SRRM4: variants seen among roughly 807,000 people sequenced by gnomAD.
SRRM4 encodes the protein serine/arginine repetitive matrix 4.
Under a neutral mutation model 68.9 loss-of-function variants are expected in SRRM4, and 33 were observed. The observed-to-expected ratio is 0.48, with a 90% confidence interval of 0.36 to 0.64. The LOEUF is 0.64. Ranked by LOEUF, SRRM4 falls within the 30% of genes least tolerant of loss-of-function variation. The pLI is 0.00. For synonymous variants in SRRM4, 318 were observed against 318.8 expected (o/e 1.00, Z 0.03); for missense variants, 817 against 827.1 (o/e 0.99, Z 0.15).
At chr12:119,058,878 T>C (rs540334713) in intron 1 of SRRM4, among the ~76,000 whole-genome samples, 4 of 152,334 alleles carry the variant, frequency 2.6e-5, no homozygotes, top group Non-Finnish European at 5.9e-5. Context: ...ATATTTGGTG[T>C]CTTCCACCCC....
At chr12:119,000,502 C>T (rs1041631883) in intron 1 of SRRM4, among the ~76,000 whole-genome samples, 7 of 152,174 alleles carry the variant, frequency 4.6e-5, no homozygotes, top group Non-Finnish European at 8.8e-5. Context: ...GTGACTGGCC[C>T]TGTACTAAAG....
At chr12:118,988,553 G>A (rs1192056728) in intron 1 of SRRM4, among the ~76,000 whole-genome samples, 1 of 152,172 alleles carries the variant, frequency 6.6e-6, no homozygotes, top group African/African-American at 2.4e-5. Context: ...GTGATGGGGG[G>A]ATTATAGCGA....
At chr12:119,032,132 G>T (rs1043479881) in intron 1 of SRRM4, among the ~76,000 whole-genome samples, 1 of 152,128 alleles carries the variant, frequency 6.6e-6, no homozygotes, top group East Asian at 1.9e-4. Flanking sequence ...CCTGAGCAAT[G>T]AGTGATGGTA....
chr12:119,153,571 A>C lies in SRRM4; in HGVS notation c.1313A>C (p.Lys438Thr), dbSNP rs202114208. The change falls in exon 11 of 13, where the codon AAG (lysine) becomes ACG (threonine). Residue 438 changes from lysine (K) to threonine (T), a missense_variant. Transcript: ENST00000267260. ...SYSRSPSYSSKSGKRSPPSRS... is the reference protein window; with the variant it reads ...SYSRSPSYSSTSGKRSPPSRS... ...TCCCGCTCTCCCAGCTATTCCTCCA[A>C]GTCTGGCAAGAGGAGCCCGCCCAGC... 4.6e-5 allele frequency: 73 copies of C among 1,576,594 alleles called. No individual in the cohort carries two copies. The East Asian group carries it at 1.3e-3, about 28-fold the overall frequency.
chr12:119,101,010 C>T (rs73213720), intron 1 of SRRM4, among the ~76,000 whole-genome samples: 5,781 of 152,248 alleles, frequency 0.038, 125 homozygotes, highest in African/African-American at 0.051. Context: ...ATGTGTTTTG[C>T]TGCCCTTCCT....
At chr12:119,010,074 A>G (rs1189190015) in intron 1 of SRRM4, among the ~76,000 whole-genome samples, 1 of 152,106 alleles carries the variant, frequency 6.6e-6, no homozygotes, top group African/African-American at 2.4e-5. Flanking sequence ...CTTTCCTGAG[A>G]CCGAGTCTCT....
chr12:119,145,462 T>G lies in SRRM4; in HGVS notation c.853T>G (p.Tyr285Asp), dbSNP rs1185680594. ...CACCTCGCGAGGACGTTCCCAGGAG[T>G]ACGACTCAGGAAATGACACGTCCTC... ...LTTSRGRSQEYDSGNDTSSPP... is the reference protein window; with the variant it reads ...LTTSRGRSQEDDSGNDTSSPP... The change falls in exon 9 of 13, where the codon TAC (tyrosine) becomes GAC (aspartate). Residue 285 changes from tyrosine (Y) to aspartate (D), a missense_variant. Transcript: ENST00000267260. The G allele has an allele frequency of 4.4e-6, 7 of 1,607,584 alleles. No homozygotes were observed. In the African/African-American group the frequency reaches 6.7e-5, roughly 15 times the overall value.
chr12:119,109,231 C>A (rs1334882626), intron 2 of SRRM4, among the ~76,000 whole-genome samples: 1 of 150,994 alleles, frequency 6.6e-6, no homozygotes, highest in Non-Finnish European at 1.5e-5. Flanking sequence ...GTAACCCGAC[C>A]TTTCTCTCTG....
intron 1 of SRRM4, among the ~76,000 whole-genome samples, chr12:119,030,303 CAAAGAAG>C (rs1565893008): frequency 4.6e-5 from 7 of 152,124 alleles, no homozygotes; most frequent in Non-Finnish European, 1.0e-4. Flanking sequence ...TTCCGTAAGG[CAAAGAAG>C]TAATCCGGTA....
chr12:119,121,150 T>C (rs1954216805), intron 5 of SRRM4, among the ~76,000 whole-genome samples: 1 of 152,112 alleles, frequency 6.6e-6, no homozygotes, highest in Admixed American at 6.5e-5. Flanking sequence ...TTGGGTCCAG[T>C]TGAATTTGGA....
At chr12:119,056,144 C>T (rs1300867102) in intron 1 of SRRM4, among the ~76,000 whole-genome samples, 2 of 152,212 alleles carry the variant, frequency 1.3e-5, no homozygotes, top group Non-Finnish European at 1.5e-5. Flanking sequence ...CCAGAATAGC[C>T]ATGTACATCC....
At chr12:119,036,986 CA>C (rs1167518183) in intron 1 of SRRM4, 5 of 152,284 alleles carry the variant, frequency 3.3e-5, no homozygotes, top group Admixed American at 2.6e-4. Flanking sequence ...AGAGGACACA[CA>C]AAGAAATTTC....
Position 119,158,965 on chromosome 12 carries a change from TTTTG to T in SRRM4, c.*2169_*2172del, listed in dbSNP as rs1490369089. 4 of 132,682 alleles carry T rather than the reference TTTTG, an allele frequency of 3.0e-5. No homozygotes were observed. The highest frequency in any genetic ancestry group is 6.4e-5 in the Non-Finnish European group (4 of 62,532). The allele number at this position is 132,682 out of a possible 1,614,324, so 8.2% of individuals were successfully genotyped here. A position where few individuals can be genotyped will look rare whatever the true frequency, so the allele number is the denominator to read the frequency against. On this transcript the variant is annotated 3_prime_UTR_variant, in exon 13 of 13. Coordinates refer to ENST00000267260, the MANE Select transcript of SRRM4 (RefSeq NM_194286.4). ...ATTGAATTATTTATTTATACAGAGG[TTTTG>T]TGTGTGTGTGTGTGTGTGTGTGTGT...
At chr12:119,010,287 A>G (rs954455603) in intron 1 of SRRM4, among the ~76,000 whole-genome samples, 3 of 152,192 alleles carry the variant, frequency 2.0e-5, no homozygotes, top group Non-Finnish European at 4.4e-5. Flanking sequence ...TCCTGGCCTC[A>G]AGTAATCCGC....
chr12:119,037,107 T>C (rs114523638), intron 1 of SRRM4: 24 of 152,070 alleles, frequency 1.6e-4, no homozygotes, highest in Middle Eastern at 6.8e-3. Flanking sequence ...AATAAATAGC[T>C]CCACCATTTT....
At position 119,020,482 on chromosome 12, in the gene SRRM4, C is replaced by G. The variant is rs567429187; in HGVS notation, c.131+38469C>G. 7.2e-5 allele frequency among the ~76,000 whole-genome samples: 11 copies of G among 152,230 alleles called. No individual in the cohort carries two copies. In the East Asian group the frequency reaches 2.1e-3, roughly 29 times the overall value. On this transcript the variant is annotated intron_variant, in intron 1 of 12. Transcript: ENST00000267260. ...CCAAGTGTTGGTAAACCCAGTGGCC[C>G]CGGGCAGGGAGGAGCTATTCGTCTT... is the stretch of plus-strand genomic sequence containing the variant.
intron 1 of SRRM4, among the ~76,000 whole-genome samples, chr12:118,983,196 A>G (rs914008987): frequency 6.6e-6 from 1 of 152,200 alleles, no homozygotes; most frequent in Non-Finnish European, 1.5e-5. Flanking sequence ...ATTATGTCTG[A>G]AGAATCAAAG....
intron 1 of SRRM4, among the ~76,000 whole-genome samples, chr12:119,057,143 C>CT (rs1454059675): frequency 6.6e-6 from 1 of 152,142 alleles, no homozygotes; most frequent in Non-Finnish European, 1.5e-5. Flanking sequence ...TTTATTCTTT[C>CT]TTTTTTAAAT....
At chr12:119,002,913 T>C (rs1212578634) in intron 1 of SRRM4, among the ~76,000 whole-genome samples, 3 of 150,376 alleles carry the variant, frequency 2.0e-5, no homozygotes, top group Non-Finnish European at 4.4e-5. Context: ...GTTTACACCA[T>C]GCTGCTGAAC....
Sources: gnomAD v4.1 joint callset for allele counts (sites outside exome capture counted in the v4.1 genomes callset) on GRCh38, gnomAD v4.1.1 for gene constraint, MANE v1.5 for transcripts, NCBI Gene and HGNC (gene_info 2026-07-23, HGNC 2026-07-21) for gene names.